PHF24: variants seen among roughly 807,000 people sequenced by gnomAD.
PHF24 encodes PHD finger protein 24.
A neutral mutation model predicts 42.6 loss-of-function variants in PHF24; 25 were observed. That is an observed-to-expected ratio of 0.59 (90% confidence interval 0.43 to 0.82). The LOEUF is 0.82. Ranked by LOEUF, PHF24 falls within the 40% of genes least tolerant of loss-of-function variation. The pLI is 0.00. For synonymous variants in PHF24, 185 were observed against 204.8 expected (o/e 0.90, Z 0.83); for missense variants, 470 against 538.1 (o/e 0.87, Z 1.25).
upstream of PHF24, among the ~76,000 whole-genome samples, chr9:34,955,107 C>T (rs893907781): frequency 6.6e-6 from 1 of 152,196 alleles, no homozygotes; most frequent in Non-Finnish European, 1.5e-5. Flanking sequence ...CTCCTGGGCT[C>T]AAGTGACCCT....
At chr9:34,693,145 A>C in the PHF24 span, among the ~76,000 whole-genome samples, 8 of 150,804 alleles carry the variant, frequency 5.3e-5, no homozygotes, top group African/African-American at 2.0e-4. Flanking sequence ...TCATCCATCC[A>C]CCCCTCTTTC....
chr9:34,711,264 TGACACAG>T, the PHF24 span, among the ~76,000 whole-genome samples: 5 of 151,356 alleles, frequency 3.3e-5, no homozygotes, highest in Non-Finnish European at 5.9e-5. Flanking sequence ...TTTTTTTTTT[TGACACAG>T]GGTCTCGCTT....
chr9:34,926,709 AG>A, the PHF24 span, among the ~76,000 whole-genome samples: 1 of 152,022 alleles, frequency 6.6e-6, no homozygotes, highest in South Asian at 2.1e-4. This position sits in a 1 kb window ranked among gnomAD's most constrained non-coding sequence, Gnocchi z 4.3. Context: ...GTTGTTGCTC[AG>A]GCTCATGACA....
At chr9:34,977,331 C>A in intron 6 of PHF24, 88 bp downstream of exon 6, 1 of 1,462,122 alleles carries the variant, frequency 6.8e-7, no homozygotes, top group Admixed American at 2.1e-5. Flanking sequence ...CCTGCTCCCC[C>A]TGCCAACAGC....
At chr9:34,940,308 A>G in the PHF24 span, among the ~76,000 whole-genome samples, 8 of 152,064 alleles carry the variant, frequency 5.3e-5, no homozygotes, top group Admixed American at 5.2e-4. Context: ...GAAGCAGTCC[A>G]AGCCTCTGAT....
the PHF24 span, among the ~76,000 whole-genome samples, chr9:34,712,695 C>T: frequency 6.6e-6 from 1 of 151,832 alleles, no homozygotes; most frequent in African/African-American, 2.4e-5. Flanking sequence ...AACTCTTTGC[C>T]CATGGTTTCC....
At chr9:34,722,303 C>T in the PHF24 span, among the ~76,000 whole-genome samples, 1 of 152,136 alleles carries the variant, frequency 6.6e-6, no homozygotes, top group Non-Finnish European at 1.5e-5. Context: ...GGAAAAAAAT[C>T]AAGGATAACA....
chr9:34,975,109 C>T (rs1003497393), intron 3 of PHF24, among the ~76,000 whole-genome samples: 4 of 152,210 alleles, frequency 2.6e-5, no homozygotes, highest in Non-Finnish European at 5.9e-5. Flanking sequence ...ACGGCACTCC[C>T]CACTTGAAAA....
intron 1 of PHF24, among the ~76,000 whole-genome samples, chr9:34,967,431 T>C (rs1023473193): frequency 4.6e-5 from 7 of 152,184 alleles, no homozygotes; most frequent in Admixed American, 3.3e-4. Flanking sequence ...AACACATGTG[T>C]CTACAGGGTT....
chr9:34,801,857 A>C, the PHF24 span, among the ~76,000 whole-genome samples: 1 of 151,504 alleles, frequency 6.6e-6, no homozygotes, highest in Non-Finnish European at 1.5e-5. Flanking sequence ...GGAGTTGAAC[A>C]ATGAGAACAC....
At chr9:34,715,039 T>C in the PHF24 span, among the ~76,000 whole-genome samples, 3 of 151,978 alleles carry the variant, frequency 2.0e-5, no homozygotes, top group Non-Finnish European at 4.4e-5. Flanking sequence ...CTCAGGGAGA[T>C]GTTACATCCT....
At chr9:34,907,192 G>C in the PHF24 span, among the ~76,000 whole-genome samples, 243 of 152,212 alleles carry the variant, frequency 1.6e-3, no homozygotes, top group African/African-American at 5.7e-3. Flanking sequence ...ATCTGTGTAG[G>C]ACAACCTTTG....
chr9:34,848,384 G>A, the PHF24 span, among the ~76,000 whole-genome samples: 24 of 151,422 alleles, frequency 1.6e-4, no homozygotes, highest in African/African-American at 4.8e-4. Context: ...TAGTTTATTT[G>A]TGTAGAGGTG....
the PHF24 span, among the ~76,000 whole-genome samples, chr9:34,721,399 T>C: frequency 3.6e-5 from 5 of 139,250 alleles, no homozygotes; most frequent in Non-Finnish European, 6.1e-5. Context: ...TGTCTTTCCA[T>C]TCTCTCTCTC....
upstream of PHF24, among the ~76,000 whole-genome samples, chr9:34,954,168 A>T (rs561159885): frequency 2.4e-4 from 36 of 152,258 alleles, no homozygotes; most frequent in African/African-American, 8.2e-4. Flanking sequence ...ACACACACAC[A>T]CACACAAAGG....
At chr9:34,772,371 G>T in the PHF24 span, among the ~76,000 whole-genome samples, 1 of 152,120 alleles carries the variant, frequency 6.6e-6, no homozygotes, top group African/African-American at 2.4e-5. Context: ...TACCTAGTAT[G>T]TTCATCAAAT....
At chr9:34,728,575 TG>T in the PHF24 span, 1 of 1,547,044 alleles carries the variant, frequency 6.5e-7, no homozygotes, top group East Asian at 2.4e-5. Flanking sequence ...ACACCCACAG[TG>T]GAAGGGAGTC....
chr9:34,926,127 C>T, the PHF24 span, among the ~76,000 whole-genome samples: 1 of 152,330 alleles, frequency 6.6e-6, no homozygotes, highest in Non-Finnish European at 1.5e-5. The surrounding 1 kb of genome is among the most constrained non-coding windows in gnomAD (Gnocchi z 4.3). Flanking sequence ...GGTGGTGCAA[C>T]TTTGCCAGGG....
chr9:34,916,165 A>G, the PHF24 span, among the ~76,000 whole-genome samples: 2 of 152,196 alleles, frequency 1.3e-5, no homozygotes, highest in Non-Finnish European at 2.9e-5. Flanking sequence ...CAGCACGAGA[A>G]CGAACTAATA....
Sources: allele counts gnomAD v4.1 joint callset (sites outside exome capture counted in the v4.1 genomes callset), GRCh38; gene constraint gnomAD v4.1.1; non-coding constraint Gnocchi (gnomAD v3.1); transcripts MANE v1.5; gene names NCBI Gene and HGNC (gene_info 2026-07-23, HGNC 2026-07-21).